The following PPP2R5C variants were observed in gnomAD, a reference collection of about 807,000 sequenced individuals.
PPP2R5C encodes the protein serine/threonine-protein phosphatase 2A 56 kDa regulatory subunit gamma isoform.
A neutral mutation model predicts 68.9 loss-of-function variants in PPP2R5C; 7 were observed. The ratio of observed to expected loss-of-function variants is 0.10; its 90% confidence interval spans 0.06 to 0.19. PPP2R5C has a LOEUF of 0.19. Ranked by LOEUF, PPP2R5C falls within the 10% of genes least tolerant of loss-of-function variation. The pLI, the probability that PPP2R5C is intolerant of heterozygous loss-of-function variation, is 1.00. For missense variants in PPP2R5C, 348 were observed against 641.3 expected (o/e 0.54, Z 4.94); for synonymous variants, 210 against 222.2 (o/e 0.95, Z 0.49).
intron 5 of PPP2R5C, among the ~76,000 whole-genome samples, chr14:101,884,536 T>C (rs530749836): frequency 6.6e-6 from 1 of 152,256 alleles, no homozygotes; most frequent in African/African-American, 2.4e-5. Context: ...TCTGTGCACC[T>C]CGGTTAAAGG....
chr14:101,779,323 TG>T, intron 2 of PPP2R5C, among the ~76,000 whole-genome samples: 1 of 152,232 alleles, frequency 6.6e-6, no homozygotes, highest in South Asian at 2.1e-4. Context: ...GAAGCAGACA[TG>T]GGATTCCAAG....
Position 101,781,907 on chromosome 14 carries a change from A to C in PPP2R5C, c.94-4111A>C, listed in dbSNP as rs2037718151. Among the ~76,000 whole-genome samples, 1 of 150,398 alleles carries C rather than the reference A, an allele frequency of 6.6e-6. No individual in the cohort carries two copies. The highest frequency in any genetic ancestry group is 2.5e-5 in the African/African-American group (1 of 40,788). ...GCGGCACCCAGGAGCCCGCCCTAGC[A>C]CCCGCTCCCGCTCCCACCTCGTCTG... is the stretch of plus-strand genomic sequence containing the variant. On this transcript the variant is annotated intron_variant, in intron 2 of 14. Transcript: ENST00000328724. This position sits in a 1 kb window ranked among gnomAD's most constrained non-coding sequence, Gnocchi z 6.4.
chr14:101,785,481 C>T (rs1459398670), intron 2 of PPP2R5C, among the ~76,000 whole-genome samples: 1 of 152,182 alleles, frequency 6.6e-6, no homozygotes, highest in Non-Finnish European at 1.5e-5. Flanking sequence ...CACTTCCCTG[C>T]ATCTTCCAAC....
intron 2 of PPP2R5C, among the ~76,000 whole-genome samples, chr14:101,869,686 G>T (rs1414950344): frequency 6.6e-6 from 1 of 152,000 alleles, no homozygotes; most frequent in Non-Finnish European, 1.5e-5. Context: ...ACAGGGTCTC[G>T]CTCTGCCAGC....
intron 3 of PPP2R5C, among the ~76,000 whole-genome samples, chr14:101,793,426 C>T (rs1267171843): frequency 6.6e-6 from 1 of 152,216 alleles, no homozygotes; most frequent in South Asian, 2.1e-4. Context: ...AACTGGACTG[C>T]GTGGGTGTGG....
chr14:101,913,743 C>T lies in PPP2R5C; in HGVS notation c.1326+1270C>T, dbSNP rs529557522. ...GTTTATAAGGCCCAGCCCTGCCTGA[C>T]GCTGCCCTGCGTGTCTTGCTTTGTT... On this transcript the variant is annotated intron_variant, in intron 12 of 13. Coordinates refer to ENST00000334743, the Ensembl canonical transcript of PPP2R5C. This position sits in a 1 kb window ranked among gnomAD's most constrained non-coding sequence, Gnocchi z 4.1. Among the ~76,000 whole-genome samples the T allele has an allele frequency of 1.2e-4, 19 of 152,290 alleles. No homozygotes were observed. The highest frequency in any genetic ancestry group is 1.2e-3 in the South Asian group (6 of 4,822).
chr14:101,763,074 A>T (rs1001048087), intron 2 of PPP2R5C, 104 bp downstream of exon 2: 25 of 1,010,866 alleles, frequency 2.5e-5, no homozygotes, highest in Non-Finnish European at 3.2e-5. Flanking sequence ...ATGTTTCCCT[A>T]TGTGAGGTTT....
chr14:101,919,705 C>T (rs747790313), intron 13 of PPP2R5C, among the ~76,000 whole-genome samples: 11 of 152,110 alleles, frequency 7.2e-5, no homozygotes, highest in South Asian at 2.1e-4. Context: ...TGGTGGCTCA[C>T]GCCTGTAATC....
chr14:101,851,994 T>C (rs72715677), intron 1 of PPP2R5C, among the ~76,000 whole-genome samples: 16,004 of 152,212 alleles, frequency 0.11, 1,018 homozygotes, highest in Non-Finnish European at 0.15. Flanking sequence ...TGAAGTTGGC[T>C]GTGGTATTCG....
At position 101,894,594 on chromosome 14, in the gene PPP2R5C, T is replaced by C. The variant is rs938874067; in HGVS notation, c.852+34T>C. On this transcript the variant is annotated intron_variant, in intron 8 of 13. Transcript: ENST00000334743. ...TGATGCTAGCGCGTCTTGTAAGATG[T>C]GTGCATTTCACTAAATGTAAATATT... 9 of 1,582,394 alleles carry C rather than the reference T, an allele frequency of 5.7e-6. No homozygotes were observed. In the Admixed American group the frequency reaches 1.4e-4, roughly 24 times the overall value.
intron 1 of PPP2R5C, among the ~76,000 whole-genome samples, chr14:101,832,011 G>A (rs2040775763): frequency 6.6e-6 from 1 of 152,224 alleles, no homozygotes; most frequent in Non-Finnish European, 1.5e-5. Context: ...CTTCTAAATA[G>A]TATTGCATTT....
chr14:101,812,362 A>G lies in PPP2R5C; in HGVS notation c.94+2326A>G, dbSNP rs1185370851. 3.3e-5 allele frequency among the ~76,000 whole-genome samples: 5 copies of G among 152,106 alleles called. No individual in the cohort carries two copies. The South Asian group carries it at 1.0e-3, about 32-fold the overall frequency. On this transcript the variant is annotated intron_variant, in intron 1 of 13. Transcript: ENST00000334743. ...GGGGCTGGTGTCAGGAGCAGAAGGAACCAAGGAGGGCTGCACCCTGGGCTA... is the reference window on the plus strand; with the variant it reads ...GGGGCTGGTGTCAGGAGCAGAAGGAGCCAAGGAGGGCTGCACCCTGGGCTA...
At chr14:101,867,940 T>G (rs1595420296) in intron 2 of PPP2R5C, among the ~76,000 whole-genome samples, 1 of 152,172 alleles carries the variant, frequency 6.6e-6, no homozygotes, top group African/African-American at 2.4e-5. Flanking sequence ...ACTTACACGT[T>G]TTATGGGCAT....
Position 101,877,569 on chromosome 14 carries a change from T to C in PPP2R5C, c.295-4592T>C, listed in dbSNP as rs1228426387. Among the ~76,000 whole-genome samples, 1 of 152,116 alleles carries C rather than the reference T, an allele frequency of 6.6e-6. No individual in the cohort carries two copies. The highest frequency in any genetic ancestry group is 1.5e-5 in the Non-Finnish European group (1 of 67,996). On this transcript the variant is annotated intron_variant, in intron 2 of 13. Transcript: ENST00000334743. This position sits in a 1 kb window ranked among gnomAD's most constrained non-coding sequence, Gnocchi z 4.2. ...TCCATGCATCCAGGTAGCATGGCAG[T>C]GACATTTGCACACAGACATCAGCAC...
intron 1 of PPP2R5C, chr14:101,839,081 G>A (rs1212141577): frequency 1.3e-5 from 2 of 150,784 alleles, no homozygotes; most frequent in Admixed American, 1.3e-4. Context: ...GCCGGGTGCG[G>A]TGGCTCATGC....
upstream of PPP2R5C, chr14:101,809,731 C>T: frequency 1.9e-6 from 2 of 1,062,464 alleles, no homozygotes; most frequent in Admixed American, 7.4e-5. Flanking sequence ...ACACTGACAG[C>T]CAAACAGAAC....
chr14:101,891,944 GT>G lies in PPP2R5C; in HGVS notation c.690-1049del, dbSNP rs992939121. 1.3e-5 allele frequency among the ~76,000 whole-genome samples: 2 copies of G among 152,054 alleles called. No homozygotes were observed. Among genetic ancestry groups the G allele is most frequent in the African/African-American group, 2.4e-5 (1 of 41,404 alleles). On this transcript the variant is annotated intron_variant, in intron 6 of 13. Transcript: ENST00000334743. The surrounding 1 kb of genome is among the most constrained non-coding windows in gnomAD (Gnocchi z 4.9). ...TTCTTGCACAAGGGAACAGCTTTCT[GT>G]TTTTTTGTTTGTTTTTTGTTTTTGT... is the stretch of plus-strand genomic sequence containing the variant.
At chr14:101,804,164 A>T (rs1269814017) in intron 3 of PPP2R5C, among the ~76,000 whole-genome samples, 2 of 152,234 alleles carry the variant, frequency 1.3e-5, no homozygotes, top group South Asian at 4.1e-4. Context: ...AATCAAAACT[A>T]CAATGAGATA....
At chr14:101,926,957 G>C (rs1490713839) in exon 14 of PPP2R5C, 1 of 152,134 alleles carries the variant, frequency 6.6e-6, no homozygotes, top group South Asian at 2.1e-4. Context: ...TACTTCCTGA[G>C]AAACTTGACA....
Sources: allele counts gnomAD v4.1 joint callset (sites outside exome capture counted in the v4.1 genomes callset), GRCh38; gene constraint gnomAD v4.1.1; non-coding constraint Gnocchi (gnomAD v3.1); transcripts MANE v1.5; gene names NCBI Gene and HGNC (gene_info 2026-07-23, HGNC 2026-07-21).